The following PNKD variants were observed in gnomAD, a reference collection of about 807,000 sequenced individuals.
The protein encoded by PNKD is PNKD metallo-beta-lactamase domain containing, also known as probable thioesterase PNKD.
Under a neutral mutation model 45.3 loss-of-function variants are expected in PNKD, and 36 were observed. The ratio of observed to expected loss-of-function variants is 0.80; its 90% CI spans 0.61 to 1.05. The LOEUF (loss-of-function observed/expected upper bound fraction) is 1.05. PNKD is among the 50% of genes least tolerant of loss of function. PNKD has a pLI of 0.00. For synonymous variants in PNKD, 197 were observed against 210.1 expected (o/e 0.94, Z 0.54); for missense variants, 511 against 506.6 (o/e 1.01, Z -0.08).
chr2:218,339,953 G>GC (rs1559531901), intron 3 of PNKD, 55 bp downstream of exon 3: 6 of 924,044 alleles, frequency 6.5e-6, no homozygotes, highest in Non-Finnish European at 9.7e-6. Context: ...CACCCTCCCC[G>GC]CCTGCTCCCC....
intron 2 of PNKD, among the ~76,000 whole-genome samples, chr2:218,338,176 C>A (rs1319451155): frequency 6.6e-6 from 1 of 151,486 alleles, no homozygotes; most frequent in Non-Finnish European, 1.5e-5. Context: ...AAATTTCAGG[C>A]TTGGCCAGGC....
Position 218,335,428 on chromosome 2 carries a change from C to T in PNKD, c.237-4355C>T, listed in dbSNP as rs369074260. Among the ~76,000 whole-genome samples the T allele has an allele frequency of 2.6e-5, 4 of 151,922 alleles. No individual in the cohort carries two copies. In the East Asian group the frequency reaches 7.7e-4, roughly 29 times the overall value. The stretch of plus-strand genomic sequence containing the variant: ...CCTGGGAGGTGGAGGTTGCGGTGAG[C>T]CAAGATCACGCCATTGCACTCCAGC... On this transcript the variant is annotated intron_variant, in intron 2 of 9. Coordinates refer to ENST00000273077, the MANE Select transcript of PNKD (RefSeq NM_015488.5).
intron 2 of PNKD, among the ~76,000 whole-genome samples, chr2:218,308,987 G>A (rs773654525): frequency 4.6e-5 from 7 of 151,468 alleles, no homozygotes; most frequent in Admixed American, 1.3e-4. Flanking sequence ...GAGTACAGTG[G>A]CGCAGTCATG....
At chr2:218,320,237 C>A (rs1040516660) in intron 2 of PNKD, among the ~76,000 whole-genome samples, 1 of 152,196 alleles carries the variant, frequency 6.6e-6, no homozygotes, top group South Asian at 2.1e-4. Flanking sequence ...GCTTTTATTA[C>A]TATTTTTAAT....
intron 2 of PNKD, chr2:218,277,946 G>A: frequency 6.2e-7 from 1 of 1,614,204 alleles, no homozygotes; most frequent in Non-Finnish European, 8.5e-7. Flanking sequence ...AAAAGGGTCA[G>A]CAGAATGATG....
intron 2 of PNKD, among the ~76,000 whole-genome samples, chr2:218,320,384 T>C (rs1242044210): frequency 6.6e-6 from 1 of 152,210 alleles, no homozygotes; most frequent in East Asian, 1.9e-4. Flanking sequence ...GCTGGGAACA[T>C]TCAAAGTCTG....
chr2:218,292,171 G>A (rs1313030815), intron 2 of PNKD, among the ~76,000 whole-genome samples: 4 of 152,184 alleles, frequency 2.6e-5, no homozygotes, highest in African/African-American at 4.8e-5. Context: ...GAGGGAACAC[G>A]AGGACACCCC....
chr2:218,285,643 C>G (rs1488832313), intron 2 of PNKD: 1 of 152,310 alleles, frequency 6.6e-6, no homozygotes, highest in Non-Finnish European at 1.5e-5. Context: ...CCTTGGTTAC[C>G]GAGCTGGTCC....
In PNKD at chr2:218,313,903, C is replaced by CT. The variant is rs10550174; in HGVS notation, c.237-25859dup. Reference sequence around the variant, plus strand: ...TTGTTTAACTGCATTTTCTTTATTTCTTTTTTTTTTTTTTTTTTTTTGAGA... The same window carrying CT: ...TTGTTTAACTGCATTTTCTTTATTTCTTTTTTTTTTTTTTTTTTTTTTGAGA... On this transcript the variant is annotated intron_variant, in intron 2 of 9. Transcript: ENST00000273077. Among the ~76,000 whole-genome samples, 223 of 77,668 alleles carry CT rather than the reference C, an allele frequency of 2.9e-3. 3 individuals are homozygous for CT. The highest frequency in any genetic ancestry group is 7.1e-3 in the African/African-American group (181 of 25,654). 51.0% of individuals were successfully genotyped at this position (77,668 alleles called of 152,430 possible).
chr2:218,277,200 A>G, intron 2 of PNKD: 1 of 1,187,890 alleles, frequency 8.4e-7, no homozygotes, highest in Non-Finnish European at 1.3e-6. Flanking sequence ...CCTAGGGGGT[A>G]TGGGAATGTC....
intron 8 of PNKD, 65 bp downstream of exon 8, chr2:218,343,651 C>G (rs1574722640): frequency 1.6e-6 from 2 of 1,219,054 alleles, no homozygotes; most frequent in East Asian, 2.5e-5. Context: ...AAGGGCCTTC[C>G]CACCCCCTCA....
chr2:218,339,971 A>G, intron 3 of PNKD, 58 bp from the exon 4 acceptor site: 1 of 1,454,806 alleles, frequency 6.9e-7, no homozygotes, highest in Non-Finnish European at 9.6e-7. Flanking sequence ...CCCTTCACAT[A>G]CCCCAGCCCC....
At chr2:218,334,125 A>G (rs527857553) in intron 2 of PNKD, among the ~76,000 whole-genome samples, 2 of 151,532 alleles carry the variant, frequency 1.3e-5, no homozygotes, top group South Asian at 4.2e-4. Context: ...AAAACAAACA[A>G]ACAAACACAA....
At chr2:218,294,373 G>A (rs1039517586) in intron 2 of PNKD, among the ~76,000 whole-genome samples, 3 of 152,194 alleles carry the variant, frequency 2.0e-5, no homozygotes, top group Admixed American at 6.5e-5. Context: ...TCTGGAGGGT[G>A]GGAAACGCAA....
intron 2 of PNKD, chr2:218,280,357 C>CA (rs1691772895): frequency 2.1e-6 from 1 of 477,874 alleles, no homozygotes; most frequent in African/African-American, 2.0e-5. Context: ...CTGTGGAGGG[C>CA]TCCTGTGTGC....
At chr2:218,276,159 A>G in intron 2 of PNKD, 1 of 1,493,054 alleles carries the variant, frequency 6.7e-7, no homozygotes, top group Non-Finnish European at 9.2e-7. Flanking sequence ...CCCCCGGGAT[A>G]GTGGCATGAG....
At position 218,343,513 on chromosome 2, in the gene PNKD, G is replaced by T. The variant is rs775378496; in HGVS notation, c.795G>T (p.Glu265Asp). ...LFLSGCGRTF[E>D]GNAETMLSSL... ...ACCCCCACCCAGGGCGGACCTTTGA[G>T]GGCAATGCAGAGACCATGCTGAGCT... Residue 265 changes from glutamate to aspartate, a missense_variant, in exon 8 of 10, where the codon GAG becomes GAT. Glu to Asp is a conservative substitution (Grantham distance 45). Coordinates refer to ENST00000273077, the MANE Select transcript of PNKD (RefSeq NM_015488.5). 1.2e-6 allele frequency: 2 copies of T among 1,613,430 alleles called. No homozygotes were observed. Among genetic ancestry groups the T allele is most frequent in the Non-Finnish European group, 8.5e-7 (1 of 1,179,770 alleles).
At chr2:218,338,942 G>A (rs1172887055) in intron 2 of PNKD, among the ~76,000 whole-genome samples, 3 of 151,706 alleles carry the variant, frequency 2.0e-5, no homozygotes, top group Non-Finnish European at 4.4e-5. Flanking sequence ...ACAGGCGTGT[G>A]CCACCACGCC....
chr2:218,274,555 G>A (rs754200309), intron 2 of PNKD: 1 of 154,940 alleles, frequency 6.5e-6, no homozygotes, highest in Non-Finnish European at 1.5e-5. Flanking sequence ...CTAGCCAGGT[G>A]AGGGACCCCC....
Sources: allele counts gnomAD v4.1 joint callset (sites outside exome capture counted in the v4.1 genomes callset), GRCh38; gene constraint gnomAD v4.1.1; transcripts MANE v1.5; gene names NCBI Gene and HGNC (gene_info 2026-07-23, HGNC 2026-07-21).